Variants in PPM1H observed in about 807,000 individuals in gnomAD.
PPM1H encodes the protein protein phosphatase, Mg2+/Mn2+ dependent 1H, also known as protein phosphatase 1H.
Under a neutral mutation model 54.9 loss-of-function variants are expected in PPM1H, and 27 were observed. That is an observed-to-expected ratio of 0.49 (90% CI 0.36 to 0.68). The LOEUF (loss-of-function observed/expected upper bound fraction) is 0.68. Among genes scored for constraint, PPM1H ranks in the 30% least tolerant of loss-of-function variants. The pLI is 0.00. For synonymous variants in PPM1H, 305 were observed against 270.8 expected, an observed-to-expected ratio of 1.13 and a Z score of -1.24; for missense variants, 596 against 667.8, an observed-to-expected ratio of 0.89 and a Z score of 1.19.
intron 7 of PPM1H, among the ~76,000 whole-genome samples, chr12:62,691,500 T>A (rs775525133): frequency 2.0e-5 from 3 of 152,106 alleles, no homozygotes; most frequent in Non-Finnish European, 2.9e-5. Flanking sequence ...CCATGACACC[T>A]TTTTGAGGGC....
At chr12:62,804,480 G>C (rs182207338) in intron 2 of PPM1H, among the ~76,000 whole-genome samples, 18 of 152,030 alleles carry the variant, frequency 1.2e-4, no homozygotes, top group African/African-American at 3.4e-4. Context: ...TAGATCTGTG[G>C]ACTTACAGTT....
intron 9 of PPM1H, among the ~76,000 whole-genome samples, chr12:62,650,854 C>T (rs1332014650): frequency 6.6e-6 from 1 of 152,150 alleles, no homozygotes; most frequent in Admixed American, 6.5e-5. Context: ...AGGTCCCTCT[C>T]CTGACATGTA....
intron 9 of PPM1H, among the ~76,000 whole-genome samples, chr12:62,657,783 C>T (rs2075853397): frequency 6.6e-6 from 1 of 152,074 alleles, no homozygotes. Context: ...GCATTTAATA[C>T]TTGAATTAAC....
chr12:62,840,795 A>C (rs888517369), intron 1 of PPM1H, among the ~76,000 whole-genome samples: 1 of 152,224 alleles, frequency 6.6e-6, no homozygotes, highest in African/African-American at 2.4e-5. Context: ...CAATGGAAGA[A>C]ATCTAAGACT....
intron 5 of PPM1H, among the ~76,000 whole-genome samples, chr12:62,724,993 G>C (rs1445732462): frequency 6.6e-6 from 1 of 152,132 alleles, no homozygotes; most frequent in Non-Finnish European, 1.5e-5. Flanking sequence ...TGAGAGCACC[G>C]GTGACGCAGC....
At chr12:62,686,370 G>A (rs2076051821) in intron 8 of PPM1H, among the ~76,000 whole-genome samples, 1 of 152,190 alleles carries the variant, frequency 6.6e-6, no homozygotes, top group Admixed American at 6.5e-5. Context: ...GCTTTAAGGA[G>A]CAAAATCAAG....
chr12:62,783,518 A>T (rs2076654035), intron 4 of PPM1H, among the ~76,000 whole-genome samples: 1 of 152,254 alleles, frequency 6.6e-6, no homozygotes, highest in African/African-American at 2.4e-5. Flanking sequence ...TCGAACTCCC[A>T]GTCTTGGGCG....
intron 4 of PPM1H, among the ~76,000 whole-genome samples, chr12:62,754,640 GGTCTA>G (rs1291014230): frequency 6.6e-6 from 1 of 152,158 alleles, no homozygotes; most frequent in Non-Finnish European, 1.5e-5. Flanking sequence ...AGTCACTGGT[GGTCTA>G]CCTGGGTTCC....
chr12:62,831,706 T>C (rs1349445635), intron 2 of PPM1H, among the ~76,000 whole-genome samples: 2 of 119,644 alleles, frequency 1.7e-5, no homozygotes, highest in African/African-American at 6.9e-5. Flanking sequence ...ATTGTGTGTG[T>C]ATGTGTGTGT....
At chr12:62,818,429 G>C (rs2076883201) in intron 2 of PPM1H, among the ~76,000 whole-genome samples, 1 of 151,732 alleles carries the variant, frequency 6.6e-6, no homozygotes, top group East Asian at 1.9e-4. Context: ...CACAAATCTT[G>C]AGCTGGTTAA....
intron 4 of PPM1H, chr12:62,755,966 T>A: frequency 2.0e-6 from 2 of 1,023,122 alleles, no homozygotes; most frequent in South Asian, 2.6e-5. Flanking sequence ...GGGCCTGAAC[T>A]GCTGTCTGGA....
At chr12:62,650,878 G>A (rs984719660) in intron 9 of PPM1H, among the ~76,000 whole-genome samples, 8 of 152,032 alleles carry the variant, frequency 5.3e-5, no homozygotes, top group South Asian at 2.1e-4. Context: ...ATTACAATTC[G>A]ACATAAGATT....
chr12:62,771,295 GAC>G (rs4026219), intron 4 of PPM1H, among the ~76,000 whole-genome samples: 18,777 of 131,608 alleles, frequency 0.14, 1,194 homozygotes, highest in Admixed American at 0.23. Flanking sequence ...ACTTTGTGAA[GAC>G]ACACACACAC....
chr12:62,755,524 G>T lies in PPM1H; in HGVS notation c.870-17938C>A, dbSNP rs1327864785. On this transcript the variant is annotated intron_variant, in intron 4 of 9. Transcript: ENST00000228705. ...TGAGTATATCATGGAATCCACCGGT[G>T]TCTTCACCACCATGGAGAAGGCTGG... 2.4e-5 allele frequency: 16 copies of T among 664,640 alleles called. No individual in the cohort carries two copies. The African/African-American group carries it at 2.5e-4, about 10-fold the overall frequency. 41.2% of individuals were successfully genotyped at this position (664,640 alleles called of 1,614,324 possible).
chr12:62,676,825 G>A (rs1181247101), intron 8 of PPM1H, among the ~76,000 whole-genome samples: 4 of 152,288 alleles, frequency 2.6e-5, no homozygotes, highest in East Asian at 3.9e-4. Flanking sequence ...GTCGATGGCA[G>A]CAGGAAGCAC....
chr12:62,651,533 C>G (rs2075816573), intron 9 of PPM1H, among the ~76,000 whole-genome samples: 1 of 152,142 alleles, frequency 6.6e-6, no homozygotes, highest in Non-Finnish European at 1.5e-5. Flanking sequence ...ATTAGGTCAC[C>G]TAGAAAAGAT....
chr12:62,834,505 C>A (rs753072085), intron 1 of PPM1H, among the ~76,000 whole-genome samples: 31 of 152,150 alleles, frequency 2.0e-4, no homozygotes, highest in Non-Finnish European at 2.2e-4. Context: ...CTGGGGACAT[C>A]AGTCTGTGAC....
chr12:62,851,394 A>T (rs1234272715), intron 1 of PPM1H, among the ~76,000 whole-genome samples: 1 of 152,234 alleles, frequency 6.6e-6, no homozygotes, highest in Non-Finnish European at 1.5e-5. Context: ...GTGCTAGTTA[A>T]AAGGAAAAAT....
intron 2 of PPM1H, among the ~76,000 whole-genome samples, chr12:62,820,155 G>A (rs561946815): frequency 2.0e-5 from 3 of 152,368 alleles, no homozygotes; most frequent in Non-Finnish European, 2.9e-5. Flanking sequence ...CACTGCTAGC[G>A]CAGCAGTCTG....
Sources: gnomAD v4.1 joint callset for allele counts (sites outside exome capture counted in the v4.1 genomes callset) on GRCh38, gnomAD v4.1.1 for gene constraint, MANE v1.5 for transcripts, NCBI Gene and HGNC (gene_info 2026-07-23, HGNC 2026-07-21) for gene names.